ALPK1: variants seen among roughly 807,000 people sequenced by gnomAD.
ALPK1 encodes the protein alpha kinase 1, also known as alpha-protein kinase 1.
In ALPK1, 110 loss-of-function variants were observed where a neutral mutation model predicts 120.6. That is an observed-to-expected ratio of 0.91 (90% CI 0.78 to 1.07). The LOEUF is 1.07. Among genes scored for constraint, ALPK1 ranks in the 50% least tolerant of loss-of-function variants. ALPK1 has a pLI of 0.00. For synonymous variants in ALPK1, 582 were observed against 560.3 expected, an observed-to-expected ratio of 1.04 and a Z score of -0.55; for missense variants, 1,498 against 1,483.9, an observed-to-expected ratio of 1.01 and a Z score of -0.16.
At chr4:112,332,297 C>T (rs1729417681) in intron 2 of ALPK1, among the ~76,000 whole-genome samples, 1 of 152,210 alleles carries the variant, frequency 6.6e-6, no homozygotes, top group Non-Finnish European at 1.5e-5. Context: ...ATTTGTGCCT[C>T]TTTCTTCCTA....
chr4:112,346,749 A>G (rs1005180411), intron 2 of ALPK1, among the ~76,000 whole-genome samples: 1 of 152,276 alleles, frequency 6.6e-6, no homozygotes, highest in African/African-American at 2.4e-5. Context: ...TTTTAAGAAT[A>G]GAAGATTACA....
intron 2 of ALPK1, among the ~76,000 whole-genome samples, chr4:112,360,039 G>C (rs1730843425): frequency 1.3e-5 from 2 of 151,558 alleles, no homozygotes; most frequent in Non-Finnish European, 3.0e-5. Flanking sequence ...CTCTCTAACT[G>C]AAATTTTGTA....
chr4:112,314,408 G>A (rs1203927454), intron 1 of ALPK1, among the ~76,000 whole-genome samples: 1 of 152,200 alleles, frequency 6.6e-6, no homozygotes, highest in African/African-American at 2.4e-5. Context: ...GGGTAGTAGT[G>A]AATAGCGAGA....
In ALPK1 at chr4:112,412,151, G is replaced by A. The variant is rs879241479; in HGVS notation, c.475+126G>A. On this transcript the variant is annotated intron_variant, in intron 5 of 15. Coordinates refer to ENST00000650871, the MANE Select transcript of ALPK1 (RefSeq NM_025144.4). The stretch of plus-strand genomic sequence containing the variant: ...CCCTGCGTGCCATCTTTCCGAGCCC[G>A]GGGCTCCCCTCCCCCGCCCCTGTGC... 35 of 1,143,170 alleles carry A rather than the reference G, an allele frequency of 3.1e-5. No individual in the cohort carries two copies. In the East Asian group the frequency reaches 8.2e-4, roughly 27 times the overall value. 70.8% of individuals were successfully genotyped at this position (1,143,170 alleles called of 1,614,324 possible). A position where few individuals can be genotyped will look rare whatever the true frequency, so the allele number is the denominator to read the frequency against.
At chr4:112,374,440 T>C (rs1207620189) in intron 2 of ALPK1, among the ~76,000 whole-genome samples, 3 of 152,236 alleles carry the variant, frequency 2.0e-5, no homozygotes, top group Non-Finnish European at 4.4e-5. Context: ...AAGTTATCTA[T>C]GAGGGTTACA....
At chr4:112,435,435 T>A (rs1362342898) in intron 12 of ALPK1, 134 bp downstream of exon 12, 3 of 771,010 alleles carry the variant, frequency 3.9e-6, no homozygotes, top group Non-Finnish European at 6.3e-6. Context: ...TACTCCTTTT[T>A]CTTTTCATTA....
Position 112,412,026 on chromosome 4 carries a change from G to C in ALPK1, c.475+1G>C. 1 of 1,613,868 alleles carries C rather than the reference G, an allele frequency of 6.2e-7. No individual in the cohort carries two copies. Among genetic ancestry groups the C allele is most frequent in the Non-Finnish European group, 8.5e-7 (1 of 1,180,030 alleles). On this transcript the variant is annotated splice_donor_variant, in intron 5 of 15. Coordinates refer to ENST00000650871, the MANE Select transcript of ALPK1 (RefSeq NM_025144.4). LOFTEE classifies it high-confidence loss of function. The stretch of plus-strand genomic sequence containing the variant: ...CAAGCCCGAATCTCCGTGAACTCAG[G>C]TATGCTCCCTCCTGCTGGCCGCCCC...
chr4:112,358,588 G>T (rs1730759298), intron 2 of ALPK1: 2 of 719,742 alleles, frequency 2.8e-6, no homozygotes, highest in Middle Eastern at 2.8e-4. Context: ...GGCCCTGGGG[G>T]CTGCTGGCCG....
At chr4:112,306,414 C>T (rs1383780293) in intron 1 of ALPK1, among the ~76,000 whole-genome samples, 1 of 152,104 alleles carries the variant, frequency 6.6e-6, no homozygotes, top group Non-Finnish European at 1.5e-5. Flanking sequence ...TTAATTATTG[C>T]CTCAATTTCA....
chr4:112,361,753 TGCCACCTCCTGGCTGGAG>T lies in ALPK1; in HGVS notation c.-100-15920_-100-15903del, dbSNP rs561427083. Among the ~76,000 whole-genome samples, 4 of 152,354 alleles carry T rather than the reference TGCCACCTCCTGGCTGGAG, an allele frequency of 2.6e-5. No individual in the cohort carries two copies. The East Asian group carries it at 7.7e-4, about 29-fold the overall frequency. On this transcript the variant is annotated intron_variant, in intron 2 of 15. Transcript: ENST00000650871. Reference sequence around the variant, plus strand: ...ACCACAGTTGATGCACTCTTGAAAGTGCCACCTCCTGGCTGGAGGCCAACGAACACAAAACCGGTGCAC... The same window carrying T: ...ACCACAGTTGATGCACTCTTGAAAGTGCCAACGAACACAAAACCGGTGCAC...
intron 5 of ALPK1, among the ~76,000 whole-genome samples, chr4:112,422,057 T>A (rs556365238): frequency 3.3e-5 from 5 of 152,152 alleles, no homozygotes; most frequent in Non-Finnish European, 7.4e-5. Context: ...GTTGATCTGA[T>A]CATGGAGAGG....
At chr4:112,344,968 T>TA (rs1024835825) in intron 2 of ALPK1, among the ~76,000 whole-genome samples, 2 of 152,260 alleles carry the variant, frequency 1.3e-5, no homozygotes, top group Non-Finnish European at 2.9e-5. Flanking sequence ...TTTTCGTATT[T>TA]AAAAAATGTT....
chr4:112,401,353 G>T (rs749463637), intron 4 of ALPK1, among the ~76,000 whole-genome samples: 1 of 152,194 alleles, frequency 6.6e-6, no homozygotes, highest in Non-Finnish European at 1.5e-5. Flanking sequence ...GTCCCAGAAA[G>T]GTTGCAGAAT....
intron 2 of ALPK1, chr4:112,356,806 C>T (rs1026168653): frequency 1.1e-5 from 8 of 730,500 alleles, no homozygotes; most frequent in Non-Finnish European, 2.1e-5. Context: ...TCATCCCATA[C>T]AGTTAGTTGT....
At chr4:112,341,112 T>A (rs531962022) in intron 2 of ALPK1, among the ~76,000 whole-genome samples, 1 of 152,324 alleles carries the variant, frequency 6.6e-6, no homozygotes, top group South Asian at 2.1e-4. Flanking sequence ...CGGTGGTGTG[T>A]GTGTCTGTGT....
chr4:112,323,942 G>A (rs1422457133), intron 2 of ALPK1, among the ~76,000 whole-genome samples: 1 of 152,210 alleles, frequency 6.6e-6, no homozygotes, highest in Non-Finnish European at 1.5e-5. Flanking sequence ...GTAGTAGTGA[G>A]TGGGCCAGTG....
chr4:112,357,690 GTTGAGCTCCGCGT>G, intron 2 of ALPK1: 1 of 1,586,892 alleles, frequency 6.3e-7, no homozygotes, highest in Admixed American at 1.7e-5. Context: ...ACGGAGCCCA[GTTGAGCTCCGCGT>G]TTGACAGACG....
Position 112,432,558 on chromosome 4 carries a change from C to A in ALPK1, c.3011C>A (p.Pro1004His). The A allele has an allele frequency of 6.2e-7, 1 of 1,612,944 alleles. No individual in the cohort carries two copies. ...QRLENTGVFK[P>H]SQLHRAHSAL... ...CTAGAGAATACGGGGGTTTTTAAGCCCAGTCAACTCCACCGAGCACATAGT... is the reference window on the plus strand; with the variant it reads ...CTAGAGAATACGGGGGTTTTTAAGCACAGTCAACTCCACCGAGCACATAGT... The change falls in exon 11 of 16, where the codon CCC (proline) becomes CAC (histidine). Residue 1004 changes from proline to histidine, a missense_variant. Pro to His is a moderately conservative substitution (Grantham distance 77). Coordinates refer to ENST00000650871, the MANE Select transcript of ALPK1 (RefSeq NM_025144.4).
intron 1 of ALPK1, among the ~76,000 whole-genome samples, chr4:112,314,876 CTTTTTTT>C (rs763492984): frequency 3.0e-5 from 3 of 99,624 alleles, no homozygotes; most frequent in Non-Finnish European, 3.8e-5. Flanking sequence ...AATCCATTGC[CTTTTTTT>C]TTTTTTTTTT....
Sources: allele counts gnomAD v4.1 joint callset (sites outside exome capture counted in the v4.1 genomes callset), GRCh38; gene constraint gnomAD v4.1.1; transcripts MANE v1.5; gene names NCBI Gene and HGNC (gene_info 2026-07-23, HGNC 2026-07-21).